MFAP3: variants seen among roughly 807,000 people sequenced by gnomAD.
MFAP3 encodes microfibril associated protein 3.
A neutral mutation model predicts 20.5 loss-of-function variants in MFAP3; 8 were observed. The ratio of observed to expected loss-of-function variants is 0.39; its 90% CI spans 0.23 to 0.70. MFAP3 has a LOEUF of 0.70. MFAP3 is among the 30% of genes least tolerant of loss of function. The pLI is 0.44. For missense variants in MFAP3, 398 were observed against 444.6 expected (o/e 0.90, Z 0.94); for synonymous variants, 140 against 154.0 (o/e 0.91, Z 0.67).
At chr5:154,050,109 AG>A (rs1174307162) in intron 2 of MFAP3, 92 bp downstream of exon 2, 2 of 1,369,460 alleles carry the variant, frequency 1.5e-6, no homozygotes, top group African/African-American at 2.9e-5. Context: ...CTCAAAGATA[AG>A]GTGCCAAGGT....
At position 154,049,958 on chromosome 5, in the gene MFAP3, A is replaced by C; in HGVS notation, c.236A>C (p.His79Pro). 6.2e-7 allele frequency: 1 copy of C among 1,613,440 alleles called. No individual in the cohort carries two copies. The highest frequency in any genetic ancestry group is 8.5e-7 in the Non-Finnish European group (1 of 1,179,454). ...VSIECLLTAS[H>P]YEDVHWHNSK... Reference sequence around the variant, plus strand: ...ATTGAGTGTCTTCTCACAGCCAGTCACTATGAAGATGTCCATTGGCACAAT... The same window carrying C: ...ATTGAGTGTCTTCTCACAGCCAGTCCCTATGAAGATGTCCATTGGCACAAT... Residue 79 changes from histidine (H) to proline (P), a missense_variant, in exon 2 of 3, where the codon CAC becomes CCC. Physicochemically the swap from His to Pro is moderately conservative, Grantham distance 77 (BLOSUM62 -2). Coordinates refer to ENST00000522782, the MANE Select transcript of MFAP3 (RefSeq NM_005927.5).
In MFAP3 at chr5:154,057,070, C is replaced by T. The variant is rs904670970; in HGVS notation, c.*3357C>T. Among the ~76,000 whole-genome samples, 1 of 152,200 alleles carries T rather than the reference C, an allele frequency of 6.6e-6. No homozygotes were observed. Among genetic ancestry groups the T allele is most frequent in the Admixed American group, 6.5e-5 (1 of 15,276 alleles). On this transcript the variant is annotated 3_prime_UTR_variant, in exon 3 of 3. Transcript: ENST00000522782. ...GCTTCACCCTAGATCAGACTTTTGTCTCTTGGGTCCCAGATGGCACAGGAG... is the reference window on the plus strand; with the variant it reads ...GCTTCACCCTAGATCAGACTTTTGTTTCTTGGGTCCCAGATGGCACAGGAG...
At chr5:154,045,916 G>T (rs566620522) in intron 1 of MFAP3, among the ~76,000 whole-genome samples, 1 of 152,284 alleles carries the variant, frequency 6.6e-6, no homozygotes, top group African/African-American at 2.4e-5. Context: ...GCACCATTCT[G>T]CAGGTCAGTT....
Position 154,053,496 on chromosome 5 carries a change from G to A in MFAP3, c.872G>A (p.Gly291Glu), listed in dbSNP as rs1210456498. The change falls in exon 3 of 3, where the codon GGA (glycine) becomes GAA (glutamate). Residue 291 changes from glycine to glutamate, a missense_variant. By Grantham distance (98) the Gly-to-Glu change is moderately conservative. Coordinates refer to ENST00000522782, the MANE Select transcript of MFAP3 (RefSeq NM_005927.5). ...GGIYVINPEM[G>E]RSNSPGGDSD... The stretch of plus-strand genomic sequence containing the variant: ...ATCTATGTCATTAACCCAGAGATGG[G>A]ACGGAGTAATTCACCAGGAGGAGAT... 3.1e-6 allele frequency: 5 copies of A among 1,613,740 alleles called. No homozygotes were observed. Among genetic ancestry groups the A allele is most frequent in the African/African-American group, 1.3e-5 (1 of 74,998 alleles).
rs910522742 is a variant in MFAP3 at position 154,055,293 on chromosome 5, G to A, written c.*1580G>A. Among the ~76,000 whole-genome samples the A allele has an allele frequency of 2.0e-5, 3 of 152,186 alleles. No homozygotes were observed. Among genetic ancestry groups the A allele is most frequent in the East Asian group, 1.9e-4 (1 of 5,194 alleles). On this transcript the variant is annotated 3_prime_UTR_variant, in exon 3 of 3. Transcript: ENST00000522782. ...CAGGGGAAGACAGGAAATTCAAAGCGTGACGGGATAAAACTCATGCCTCCC... is the reference window on the plus strand; with the variant it reads ...CAGGGGAAGACAGGAAATTCAAAGCATGACGGGATAAAACTCATGCCTCCC...
Position 154,053,818 on chromosome 5 carries a change from C to G in MFAP3, c.*105C>G. 1.9e-6 allele frequency: 2 copies of G among 1,060,648 alleles called. No homozygotes were observed. The highest frequency in any genetic ancestry group is 2.8e-6 in the Non-Finnish European group (2 of 725,424). 65.7% of individuals were successfully genotyped at this position (1,060,648 alleles called of 1,614,324 possible). On this transcript the variant is annotated 3_prime_UTR_variant, in exon 3 of 3. Coordinates refer to ENST00000522782, the MANE Select transcript of MFAP3 (RefSeq NM_005927.5). ...TTTGCCAAAAGATGACTGGGGTTTT[C>G]CGTTTGTTAATATTAAGCACATCAG...
Position 154,053,359 on chromosome 5 carries a change from T to C in MFAP3, c.735T>C (p.Ile245=). The change falls in exon 3 of 3, where the codon ATT becomes ATC. Residue 245 remains isoleucine, a synonymous_variant. Coordinates refer to ENST00000522782, the MANE Select transcript of MFAP3 (RefSeq NM_005927.5). ...LARSVPLPPL[I]LNCRAFVEEM... is the part of the protein sequence containing the mutation. ...GAAGTGTCCCTCTTCCACCTCTTAT[T>C]CTAAACTGTCGAGCCTTTGTTGAGG... The C allele has an allele frequency of 6.2e-7, 1 of 1,614,042 alleles. No homozygotes were observed. The highest frequency in any genetic ancestry group is 8.5e-7 in the Non-Finnish European group (1 of 1,179,958).
chr5:154,053,854 G>T lies in MFAP3; in HGVS notation c.*141G>T, dbSNP rs2113569472. The stretch of plus-strand genomic sequence containing the variant: ...TATTAAGCACATCAGAACGTGAATT[G>T]CCAAAGTCTTCATTAGAAGGCAGCA... On this transcript the variant is annotated 3_prime_UTR_variant, in exon 3 of 3. Transcript: ENST00000522782. 5 of 708,450 alleles carry T rather than the reference G, an allele frequency of 7.1e-6. No individual in the cohort carries two copies. The South Asian group carries it at 1.0e-4, about 15-fold the overall frequency. 43.9% of individuals were successfully genotyped at this position (708,450 alleles called of 1,614,324 possible).
rs1773336298 is a variant in MFAP3 at position 154,056,467 on chromosome 5, T to C, written c.*2754T>C. On this transcript the variant is annotated 3_prime_UTR_variant, in exon 3 of 3. Coordinates refer to ENST00000522782, the MANE Select transcript of MFAP3 (RefSeq NM_005927.5). ...TTATCTTTTTTTTAAATCAACCTTT[T>C]GAACTTCAACTACAGTCTAAAAGTC... is the stretch of plus-strand genomic sequence containing the variant. 1.3e-5 allele frequency among the ~76,000 whole-genome samples: 2 copies of C among 152,240 alleles called. No individual in the cohort carries two copies.
At position 154,049,933 on chromosome 5, in the gene MFAP3, A is replaced by G. The variant is rs750576275; in HGVS notation, c.211A>G (p.Ile71Val). 4.3e-6 allele frequency: 7 copies of G among 1,613,544 alleles called. No individual in the cohort carries two copies. The highest frequency in any genetic ancestry group is 2.2e-5 in the South Asian group (2 of 91,070). ...AGCCAAAGAGGGAACTAGCGTTTCA[A>G]TTGAGTGTCTTCTCACAGCCAGTCA... ...IIAKEGTSVS[I>V]ECLLTASHYE... The change falls in exon 2 of 3, where the codon ATT becomes GTT. Residue 71 changes from isoleucine (I) to valine (V), a missense_variant. Physicochemically the swap from Ile to Val is conservative, Grantham distance 29. Coordinates refer to ENST00000522782, the MANE Select transcript of MFAP3 (RefSeq NM_005927.5).
chr5:154,049,373 C>G (rs1375913418), intron 1 of MFAP3, among the ~76,000 whole-genome samples, 184 bp from the exon 2 acceptor site: 2 of 152,144 alleles, frequency 1.3e-5, no homozygotes, highest in Non-Finnish European at 2.9e-5. Flanking sequence ...TCTAGGTCTG[C>G]TATTTACCAA....
In MFAP3 at chr5:154,053,610, CAG is replaced by C. The variant is rs772278857; in HGVS notation, c.989_990del (p.Glu330ValfsTer11). The C allele has an allele frequency of 1.2e-6, 2 of 1,613,934 alleles. No individual in the cohort carries two copies. Among genetic ancestry groups the C allele is most frequent in the Admixed American group, 3.3e-5 (2 of 59,986 alleles). On this transcript the variant is annotated frameshift_variant, in exon 3 of 3. Transcript: ENST00000522782. LOFTEE classifies it low-confidence loss of function (END_TRUNC). The stretch of plus-strand genomic sequence containing the variant: ...CAGTCAGAAACCAAAAGTATTGATA[CAG>C]AGTCTCAAGGCAGCAGTCATTTCAG...
At position 154,056,602 on chromosome 5, in the gene MFAP3, T is replaced by C. The variant is rs1308923575; in HGVS notation, c.*2889T>C. Among the ~76,000 whole-genome samples the C allele has an allele frequency of 6.6e-6, 1 of 152,240 alleles. No individual in the cohort carries two copies. The highest frequency in any genetic ancestry group is 2.4e-5 in the African/African-American group (1 of 41,466). ...ATAGCTGTCATCTCATTTGTAAATT[T>C]TGTCGTGTATTGTGATATAGTGAAC... On this transcript the variant is annotated 3_prime_UTR_variant, in exon 3 of 3. Transcript: ENST00000522782.
Position 154,054,846 on chromosome 5 carries a change from C to T in MFAP3, c.*1133C>T, listed in dbSNP as rs559959775. 3.0e-5 allele frequency: 5 copies of T among 167,110 alleles called. No homozygotes were observed. The highest frequency in any genetic ancestry group is 2.1e-4 in the South Asian group (1 of 4,816). 10.4% of individuals were successfully genotyped at this position (167,110 alleles called of 1,614,324 possible). A position where few individuals can be genotyped will look rare whatever the true frequency, so the allele number is the denominator to read the frequency against. ...TTTTTATTTTTGTTTACTTCAGATA[C>T]ATAATTCTGAGCTATGGCTGCTTTT... On this transcript the variant is annotated 3_prime_UTR_variant, in exon 3 of 3. Transcript: ENST00000522782.
At chr5:154,049,437 A>G (rs934705052) in intron 1 of MFAP3, 120 bp from the exon 2 acceptor site, 2 of 322,990 alleles carry the variant, frequency 6.2e-6, no homozygotes, top group Admixed American at 4.7e-5. Context: ...TGTTCCATCT[A>G]ATTACTCCCC....
chr5:154,043,833 T>G (rs1324732228), intron 1 of MFAP3, among the ~76,000 whole-genome samples: 3 of 152,042 alleles, frequency 2.0e-5, no homozygotes, highest in Non-Finnish European at 4.4e-5. Flanking sequence ...CTTAACTGAT[T>G]TGGTGAACAA....
chr5:154,042,233 TA>T (rs1244107348), intron 1 of MFAP3, among the ~76,000 whole-genome samples: 1 of 152,244 alleles, frequency 6.6e-6, no homozygotes, highest in African/African-American at 2.4e-5. Flanking sequence ...GGGAAGATCA[TA>T]AATCTAAGCC....
chr5:154,048,103 T>C (rs1027543514), intron 1 of MFAP3, among the ~76,000 whole-genome samples: 1 of 152,208 alleles, frequency 6.6e-6, no homozygotes, highest in South Asian at 2.1e-4. Context: ...ATTCTCCTAC[T>C]AACTTGTAGC....
rs145975710 is a variant in MFAP3 at position 154,049,034 on chromosome 5, A to G, written c.-166-523A>G. Among the ~76,000 whole-genome samples, 543 of 152,320 alleles carry G rather than the reference A, an allele frequency of 3.6e-3. 8 individuals are homozygous for G. The highest frequency in any genetic ancestry group is 0.012 in the African/African-American group (514 of 41,578). ...CACCTCAGGTGTCCCTGCATTATTT[A>G]TATGTAACATATCTTCATACTTGAA... is the stretch of plus-strand genomic sequence containing the variant. On this transcript the variant is annotated intron_variant, in intron 1 of 2. Coordinates refer to ENST00000522782, the MANE Select transcript of MFAP3 (RefSeq NM_005927.5).
Sources: allele counts gnomAD v4.1 joint callset (sites outside exome capture counted in the v4.1 genomes callset), GRCh38; gene constraint gnomAD v4.1.1; transcripts MANE v1.5; gene names NCBI Gene and HGNC (gene_info 2026-07-23, HGNC 2026-07-21).